Variants in ITGB2 observed in about 807,000 individuals in gnomAD.
ITGB2 encodes the protein integrin beta-2.
ITGB2 carries 56 observed loss-of-function variants against 86.8 expected under a neutral mutation model. The ratio of observed to expected loss-of-function variants is 0.65; its 90% CI spans 0.52 to 0.81. The LOEUF (loss-of-function observed/expected upper bound fraction) is 0.81, where lower values mean the gene tolerates loss of function less well. Among genes scored for constraint, ITGB2 ranks in the 30% least tolerant of loss-of-function variants. The pLI, the probability that ITGB2 is intolerant of heterozygous loss-of-function variation, is 0.00. For missense variants in ITGB2, 948 were observed against 1,061.2 expected (o/e 0.89, Z 1.48); for synonymous variants, 457 against 450.4 (o/e 1.01, Z -0.19).
chr21:44,889,821 A>G (rs1343342698), intron 12 of ITGB2, among the ~76,000 whole-genome samples, 157 bp downstream of exon 12: 1 of 152,136 alleles, frequency 6.6e-6, no homozygotes, highest in Non-Finnish European at 1.5e-5. Context: ...GGGCCATCCA[A>G]GTTCCTGCTG....
chr21:44,902,256 T>A (rs1010021301), intron 5 of ITGB2, among the ~76,000 whole-genome samples: 2 of 152,264 alleles, frequency 1.3e-5, no homozygotes, highest in Non-Finnish European at 2.9e-5. Flanking sequence ...AGTGTGCATG[T>A]GAGCATGTCT....
intron 4 of ITGB2, among the ~76,000 whole-genome samples, chr21:44,903,743 TCCCGGACG>T (rs2084000985): frequency 2.0e-5 from 3 of 152,058 alleles, no homozygotes; most frequent in Admixed American, 6.5e-5. Flanking sequence ...AGGACATGAC[TCCCGGACG>T]CAGGCATGTG....
intron 5 of ITGB2, 188 bp from the exon 6 acceptor site, chr21:44,901,921 G>A: frequency 1.6e-6 from 1 of 644,848 alleles, no homozygotes; most frequent in Non-Finnish European, 2.6e-6. Flanking sequence ...ACGTATGTGG[G>A]CGTGTGTGTG....
Position 44,900,396 on chromosome 21 carries a change from T to A in ITGB2, c.821A>T (p.Lys274Met). 1 of 1,614,118 alleles carries A rather than the reference T, an allele frequency of 6.2e-7. No homozygotes were observed. Among genetic ancestry groups the A allele is most frequent in the Non-Finnish European group, 8.5e-7 (1 of 1,179,958 alleles). Residue 274 changes from lysine (K) to methionine (M), a missense_variant, in exon 7 of 16, where the codon AAG (lysine) becomes ATG (methionine). Coordinates refer to ENST00000652462, the MANE Select transcript of ITGB2 (RefSeq NM_000211.5). ...DDGFHFAGDG[K>M]LGAILTPNDG... is the part of the protein sequence containing the mutation. ...GTTGGGGGTCAGGATGGCGCCCAGC[T>A]TCCCGTCGCCCGCGAAATGGAAGCC...
Position 44,894,592 on chromosome 21 carries a change from G to A in ITGB2, c.1083+379C>T, listed in dbSNP as rs369766397. The A allele has an allele frequency of 1.7e-3, 587 of 344,094 alleles. 8 individuals carry two copies. Among genetic ancestry groups the A allele is most frequent in the South Asian group, 0.011 (452 of 41,336 alleles). 21.3% of individuals were successfully genotyped at this position (344,094 alleles called of 1,614,324 possible). ...CAAGAGGAATTCCACCCCCCAGGGT[G>A]TCTTCCCAGGGCCCAAGTCCACTGT... On this transcript the variant is annotated intron_variant, in intron 9 of 15. Coordinates refer to ENST00000652462, the MANE Select transcript of ITGB2 (RefSeq NM_000211.5).
At chr21:44,921,349 T>G (rs1174184454), upstream of ITGB2, 1 of 152,362 alleles carries the variant, frequency 6.6e-6, no homozygotes, top group African/African-American at 2.4e-5. Context: ...CAAGAAAACC[T>G]GGGTGCGTGC....
At chr21:44,910,921 G>A (rs908070762) in intron 1 of ITGB2, 136 bp from the exon 2 acceptor site, 2 of 824,978 alleles carry the variant, frequency 2.4e-6, no homozygotes, top group Non-Finnish European at 3.9e-6. Flanking sequence ...TTAGGGTCAG[G>A]CCAGCACAGC....
At chr21:44,927,238 G>A (rs1323998889) in intron 1 of ITGB2, among the ~76,000 whole-genome samples, 1 of 152,216 alleles carries the variant, frequency 6.6e-6, no homozygotes, top group Non-Finnish European at 1.5e-5. Context: ...TAAGGATGGA[G>A]AGGGCCAGTG....
intron 1 of ITGB2, among the ~76,000 whole-genome samples, chr21:44,919,273 G>A (rs540155989): frequency 2.0e-4 from 31 of 152,328 alleles, no homozygotes; most frequent in African/African-American, 7.5e-4. Context: ...CCGCCGCCCT[G>A]CAGGGACGTA....
At position 44,900,305 on chromosome 21, in the gene ITGB2, G is replaced by T; in HGVS notation, c.897+15C>A. The T allele has an allele frequency of 2.5e-6, 4 of 1,614,156 alleles. No individual in the cohort carries two copies. The East Asian group carries it at 8.9e-5, about 36-fold the overall frequency. The stretch of plus-strand genomic sequence containing the variant: ...CCTGCCAGGCGGTGCCTGGGTGCCT[G>T]GGGTGGGGACTTACGAATTCGTTGC... On this transcript the variant is annotated intron_variant, in intron 7 of 15. Transcript: ENST00000652462.
chr21:44,886,211 A>G lies in ITGB2; in HGVS notation c.*157T>C. 1 of 732,076 alleles carries G rather than the reference A, an allele frequency of 1.4e-6. No homozygotes were observed. The highest frequency in any genetic ancestry group is 2.4e-6 in the Non-Finnish European group (1 of 411,008). 45.3% of individuals were successfully genotyped at this position (732,076 alleles called of 1,614,324 possible). A position where few individuals can be genotyped will look rare whatever the true frequency, so the allele number is the denominator to read the frequency against. On this transcript the variant is annotated 3_prime_UTR_variant, in exon 16 of 16. Transcript: ENST00000652462. ...AGCTGTCCCCCCGACGAGCCCCCAG[A>G]AGCACCCGGCCGGCCATGGCTGTCA...
chr21:44,905,770 T>A (rs2084033298), intron 4 of ITGB2, among the ~76,000 whole-genome samples: 1 of 151,980 alleles, frequency 6.6e-6, no homozygotes, highest in Admixed American at 6.5e-5. Context: ...CTGCAGGACC[T>A]CCCCAATGGC....
intron 13 of ITGB2, 108 bp downstream of exon 13, chr21:44,889,168 C>T (rs2083746305): frequency 3.6e-6 from 4 of 1,100,266 alleles, no homozygotes; most frequent in African/African-American, 1.5e-5. Context: ...CGCAGAGAAC[C>T]CCGCGGTGCA....
intron 11 of ITGB2, among the ~76,000 whole-genome samples, chr21:44,890,532 T>A (rs2083771812): frequency 6.6e-6 from 1 of 152,126 alleles, no homozygotes; most frequent in African/African-American, 2.4e-5. Flanking sequence ...GCGATACCGG[T>A]GCTCTGTGAG....
intron 12 of ITGB2, 115 bp from the exon 13 acceptor site, chr21:44,889,610 G>A (rs2083755674): frequency 9.7e-7 from 1 of 1,034,350 alleles, no homozygotes; most frequent in South Asian, 1.4e-5. Flanking sequence ...CCTGGGGGAT[G>A]TTCCTGAGCA....
intron 3 of ITGB2, chr21:44,908,159 G>A (rs2084072575): frequency 2.7e-6 from 2 of 746,306 alleles, no homozygotes; most frequent in East Asian, 2.5e-5. Context: ...CGGTGGCGTG[G>A]GCTGGAGGAC....
intron 11 of ITGB2, 32 bp from the exon 12 acceptor site, chr21:44,890,254 C>A (rs751912981): frequency 1.9e-6 from 3 of 1,611,430 alleles, no homozygotes; most frequent in Non-Finnish European, 2.5e-6. Context: ...AGGTCAGGCT[C>A]CCCCCAGTGA....
In ITGB2 at chr21:44,900,104, G is replaced by A. The variant is rs143729102; in HGVS notation, c.897+216C>T. On this transcript the variant is annotated intron_variant, in intron 7 of 15. Coordinates refer to ENST00000652462, the MANE Select transcript of ITGB2 (RefSeq NM_000211.5). Reference sequence around the variant, plus strand: ...CTGGGTGTCCCACAAGGGCGAGGCCGGGCCTCAGCCTGGCTGCCCCCACCA... The same window carrying A: ...CTGGGTGTCCCACAAGGGCGAGGCCAGGCCTCAGCCTGGCTGCCCCCACCA... Among the ~76,000 whole-genome samples, 930 of 152,316 alleles carry A rather than the reference G, an allele frequency of 6.1e-3. 7 individuals are homozygous for A. The highest frequency in any genetic ancestry group is 8.9e-3 in the Non-Finnish European group (604 of 68,010).
rs754338827 is a variant in ITGB2 at position 44,899,064 on chromosome 21, C to T, written c.993+3G>A. On this transcript the variant is annotated splice_donor_region_variant and intron_variant, in intron 8 of 15. Transcript: ENST00000652462. ...TGGATGCTCGGGACCCAACAGCACT[C>T]ACCTCGTAGGTCTTCACCATCCTAC... 6.2e-7 allele frequency: 1 copy of T among 1,611,848 alleles called. No homozygotes were observed. Among genetic ancestry groups the T allele is most frequent in the Admixed American group, 1.7e-5 (1 of 60,018 alleles).
Sources: gnomAD v4.1 joint callset for allele counts (sites outside exome capture counted in the v4.1 genomes callset) on GRCh38, gnomAD v4.1.1 for gene constraint, MANE v1.5 for transcripts, NCBI Gene and HGNC (gene_info 2026-07-23, HGNC 2026-07-21) for gene names.